The following PRKAR2B variants were observed in gnomAD, a reference collection of about 807,000 sequenced individuals.
PRKAR2B encodes protein kinase cAMP-dependent type II regulatory subunit beta.
Under a neutral mutation model 49.9 loss-of-function variants are expected in PRKAR2B, and 14 were observed. That is an observed-to-expected ratio of 0.28 (90% CI 0.19 to 0.44). The LOEUF (loss-of-function observed/expected upper bound fraction) is 0.44, where lower values mean the gene tolerates loss of function less well. Ranked by LOEUF, PRKAR2B falls within the 20% of genes least tolerant of loss-of-function variation. The probability of loss-of-function intolerance (pLI) is 1.00; values close to 1 mark genes in which losing one functional copy is unlikely to be tolerated. For synonymous variants in PRKAR2B, 196 were observed against 197.7 expected (o/e 0.99, Z 0.07); for missense variants, 393 against 537.9 (o/e 0.73, Z 2.67).
At chr7:107,113,682 C>A (rs1212785333) in intron 2 of PRKAR2B, among the ~76,000 whole-genome samples, 1 of 152,116 alleles carries the variant, frequency 6.6e-6, no homozygotes, top group African/African-American at 2.4e-5. Flanking sequence ...ATCTGTTTAT[C>A]TTATTCTTAG....
Position 107,159,799 on chromosome 7 carries a change from T to A in PRKAR2B, c.*217T>A, listed in dbSNP as rs1308817264. On this transcript the variant is annotated 3_prime_UTR_variant, in exon 11 of 11. Transcript: ENST00000265717. ...GTTCATAAAAAAATCAACATACTGA[T>A]AAAATGACTTTGTACTCCACAAAAT... 1.3e-5 allele frequency: 6 copies of A among 450,030 alleles called. No homozygotes were observed. The highest frequency in any genetic ancestry group is 1.9e-5 in the Non-Finnish European group (5 of 256,754). 27.9% of individuals were successfully genotyped at this position (450,030 alleles called of 1,614,324 possible). A position where few individuals can be genotyped will look rare whatever the true frequency, so the allele number is the denominator to read the frequency against.
chr7:107,154,016 A>C (rs1020923776), intron 8 of PRKAR2B, among the ~76,000 whole-genome samples: 6 of 152,126 alleles, frequency 3.9e-5, no homozygotes. Context: ...GAGAAAAAGA[A>C]TTGTTTTAGA....
At chr7:107,148,435 C>T (rs761396006) in intron 6 of PRKAR2B, among the ~76,000 whole-genome samples, 6 of 152,102 alleles carry the variant, frequency 3.9e-5, no homozygotes, top group Non-Finnish European at 8.8e-5. Context: ...TCCTAGTGCA[C>T]GTACTACTTA....
chr7:107,121,799 A>G (rs1795393816), intron 2 of PRKAR2B, among the ~76,000 whole-genome samples, 153 bp from the exon 3 acceptor site: 1 of 152,086 alleles, frequency 6.6e-6, no homozygotes, highest in Non-Finnish European at 1.5e-5. Context: ...TATGAAACCA[A>G]TTTTGGGGGG....
intron 5 of PRKAR2B, 106 bp downstream of exon 5, chr7:107,141,059 C>T (rs1030361723): frequency 1.1e-5 from 8 of 741,262 alleles, no homozygotes; most frequent in Non-Finnish European, 1.3e-5. Flanking sequence ...TTGTTATTGC[C>T]GCTACTCTTA....
intron 1 of PRKAR2B, among the ~76,000 whole-genome samples, chr7:107,063,545 G>A (rs1268423160): frequency 6.6e-6 from 1 of 152,134 alleles, no homozygotes; most frequent in African/African-American, 2.4e-5. Flanking sequence ...TGATACCATG[G>A]AAAGGAACAA....
In PRKAR2B at chr7:107,121,939, T is replaced by C. The variant is rs187803663; in HGVS notation, c.344-13T>C. Reference sequence around the variant, plus strand: ...TGAAACAATCTTTAAGATGTTCATTTTTGTTTTTATAGTATGTGCAGAAGC... The same window carrying C: ...TGAAACAATCTTTAAGATGTTCATTCTTGTTTTTATAGTATGTGCAGAAGC... On this transcript the variant is annotated splice_polypyrimidine_tract_variant and intron_variant, in intron 2 of 10. Transcript: ENST00000265717. 22 of 1,547,230 alleles carry C rather than the reference T, an allele frequency of 1.4e-5. No homozygotes were observed. In the African/African-American group the frequency reaches 3.0e-4, roughly 21 times the overall value.
chr7:107,107,653 T>C (rs942777097), intron 2 of PRKAR2B, among the ~76,000 whole-genome samples: 2 of 151,430 alleles, frequency 1.3e-5, no homozygotes, highest in African/African-American at 4.9e-5. Context: ...GCAAGCAGAA[T>C]ATGACAAAAG....
At chr7:107,119,340 C>A (rs115802732) in intron 2 of PRKAR2B, among the ~76,000 whole-genome samples, 24 of 152,308 alleles carry the variant, frequency 1.6e-4, no homozygotes, top group Middle Eastern at 3.4e-3. Flanking sequence ...CCTGCACTCA[C>A]GAGGGCCGTG....
At chr7:107,150,528 A>C (rs1795963937) in intron 6 of PRKAR2B, among the ~76,000 whole-genome samples, 1 of 152,114 alleles carries the variant, frequency 6.6e-6, no homozygotes, top group Non-Finnish European at 1.5e-5. Context: ...TTGACAAGAA[A>C]ATTTTGACAT....
intron 2 of PRKAR2B, among the ~76,000 whole-genome samples, chr7:107,089,710 A>C (rs1221962913): frequency 2.0e-5 from 3 of 151,868 alleles, no homozygotes; most frequent in Non-Finnish European, 4.4e-5. Flanking sequence ...ATCTAAGGCC[A>C]ACCTTACTTG....
At chr7:107,126,098 A>G (rs1010927078) in intron 3 of PRKAR2B, among the ~76,000 whole-genome samples, 1 of 148,608 alleles carries the variant, frequency 6.7e-6, no homozygotes, top group African/African-American at 2.5e-5. Flanking sequence ...AAAAAAAAAA[A>G]AAAAAAAAAA....
chr7:107,059,596 A>T (rs1793985477), intron 1 of PRKAR2B, among the ~76,000 whole-genome samples: 1 of 152,122 alleles, frequency 6.6e-6, no homozygotes, highest in African/African-American at 2.4e-5. Context: ...TTATTTTAAC[A>T]TTACTTCTAT....
rs147673007 is a variant in PRKAR2B, at chr7:107,066,301, G to GGGGGTGT, written c.308-3979_308-3978insGGGTGTG. Among the ~76,000 whole-genome samples, 1,079 of 145,592 alleles carry GGGGGTGT rather than the reference G, an allele frequency of 7.4e-3. 9 individuals carry two copies. Among genetic ancestry groups the GGGGGTGT allele is most frequent in the African/African-American group, 0.02 (781 of 38,628 alleles). ...AGTCTCTAGTTTTCTCTCTATGTGG[G>GGGGGTGT]GTGTGTGTGTGTGTGTGTGTGTGTG... On this transcript the variant is annotated intron_variant, in intron 1 of 10. Coordinates refer to ENST00000265717, the MANE Select transcript of PRKAR2B (RefSeq NM_002736.3).
rs773983070 is a variant in PRKAR2B at position 107,150,986 on chromosome 7, G to A, written c.806G>A (p.Ser269Asn). The change falls in exon 7 of 11, where the codon AGC becomes AAC. Residue 269 changes from serine (S) to asparagine (N), a missense_variant. This residue lies in a region of PRKAR2B where 233 missense variants were observed against 390.4 expected (regional missense o/e 0.60). Transcript: ENST00000265717. ...NNAKKRKMYESFIESLPFLKS... is the reference protein window; with the variant it reads ...NNAKKRKMYENFIESLPFLKS... ...GCCAAAAAGAGAAAAATGTATGAAA[G>A]CTTTATTGAGTCACTGCCATTCCTT... 5 of 1,595,318 alleles carry A rather than the reference G, an allele frequency of 3.1e-6. No individual in the cohort carries two copies. The highest frequency in any genetic ancestry group is 2.6e-6 in the Non-Finnish European group (3 of 1,171,464).
chr7:107,045,511 A>G (rs1441331818), intron 1 of PRKAR2B, among the ~76,000 whole-genome samples: 1 of 152,218 alleles, frequency 6.6e-6, no homozygotes, highest in African/African-American at 2.4e-5. Flanking sequence ...TGGGGTGGGC[A>G]TCTGCTAGAA....
chr7:107,125,163 G>A (rs986325568), intron 3 of PRKAR2B, among the ~76,000 whole-genome samples: 7 of 152,186 alleles, frequency 4.6e-5, no homozygotes, highest in African/African-American at 1.7e-4. Context: ...GCCTGCAGGT[G>A]TAGTTTGCTG....
In PRKAR2B at chr7:107,157,309, A is replaced by T; in HGVS notation, c.1108A>T (p.Thr370Ser). 1 of 1,613,608 alleles carries T rather than the reference A, an allele frequency of 6.2e-7. No homozygotes were observed. The highest frequency in any genetic ancestry group is 8.5e-7 in the Non-Finnish European group (1 of 1,179,816). Residue 370 changes from threonine to serine, a missense_variant, in exon 10 of 11, where the codon ACT (threonine) becomes TCT (serine). Physicochemically the swap from Thr to Ser is moderately conservative, Grantham distance 58. Transcript: ENST00000265717. ...AGCAGCTTCTGCCCACGCCATTGGG[A>T]CTGTCAAATGTTTAGGTAGGGATTG... ...PRAASAHAIG[T>S]VKCLAMDVQA...
At chr7:107,096,023 G>C (rs1276554746) in intron 2 of PRKAR2B, among the ~76,000 whole-genome samples, 1 of 152,188 alleles carries the variant, frequency 6.6e-6, no homozygotes, top group Non-Finnish European at 1.5e-5. Flanking sequence ...CTCATAAAAT[G>C]AGTTAGGGAG....
Sources: allele counts gnomAD v4.1 joint callset (sites outside exome capture counted in the v4.1 genomes callset), GRCh38; gene constraint gnomAD v4.1.1; regional missense constraint gnomAD v4.1.1; transcripts MANE v1.5; gene names NCBI Gene and HGNC (gene_info 2026-07-23, HGNC 2026-07-21).